The following ROCK1 variants were observed in gnomAD, a reference collection of about 807,000 sequenced individuals.
The protein encoded by ROCK1 is rho-associated protein kinase 1.
Under a neutral mutation model 196.8 loss-of-function variants are expected in ROCK1, and 36 were observed. The observed-to-expected ratio is 0.18, with a 90% CI of 0.14 to 0.24. The LOEUF is 0.24. Ranked by LOEUF, ROCK1 falls within the 10% of genes least tolerant of loss-of-function variation. The pLI is 1.00. For synonymous variants in ROCK1, 443 were observed against 515.9 expected (o/e 0.86, Z 1.91); for missense variants, 920 against 1,562.0 (o/e 0.59, Z 6.93).
At chr18:21,061,268 C>T (rs74780196) in intron 2 of ROCK1, among the ~76,000 whole-genome samples, 1,555 of 151,918 alleles carry the variant, frequency 0.01, 31 homozygotes, top group African/African-American at 0.035. Flanking sequence ...TTAATACAGA[C>T]GGGGTTTTGT....
intron 1 of ROCK1, among the ~76,000 whole-genome samples, chr18:21,109,697 A>T (rs2036733162): frequency 6.6e-6 from 1 of 152,230 alleles, no homozygotes; most frequent in African/African-American, 2.4e-5. Flanking sequence ...AAACCCATAC[A>T]CGTGGAAAAA....
Position 21,006,859 on chromosome 18 carries a change from T to TA in ROCK1, c.1547-70dup, listed in dbSNP as rs1381564542. The TA allele has an allele frequency of 7.0e-6, 8 of 1,138,064 alleles. No homozygotes were observed. The Admixed American group carries it at 1.5e-4, about 22-fold the overall frequency. 70.5% of individuals were successfully genotyped at this position (1,138,064 alleles called of 1,614,324 possible). On this transcript the variant is annotated intron_variant, in intron 14 of 32. Transcript: ENST00000399799. ...TAGGGGAAACATATAAATCCTTTTT[T>TA]AAAAAAAGACATTTAGTCTTAGGCC...
intron 27 of ROCK1, 49 bp downstream of exon 27, chr18:20,966,868 A>C (rs777516233): frequency 2.1e-6 from 3 of 1,403,268 alleles, no homozygotes; most frequent in Admixed American, 4.1e-5. Context: ...AATATACACT[A>C]ATTTCCATGA....
chr18:20,997,625 T>C (rs1353395948), intron 16 of ROCK1, among the ~76,000 whole-genome samples: 1 of 152,188 alleles, frequency 6.6e-6, no homozygotes, highest in African/African-American at 2.4e-5. Flanking sequence ...ATCTGCACTA[T>C]AGACCAAATG....
chr18:20,965,422 TAC>T, intron 27 of ROCK1, among the ~76,000 whole-genome samples: 1 of 151,718 alleles, frequency 6.6e-6, no homozygotes, highest in Admixed American at 6.6e-5. Context: ...CATACATACA[TAC>T]ATACATACAT....
chr18:21,048,311 T>C (rs1486570102), intron 4 of ROCK1, among the ~76,000 whole-genome samples: 2 of 152,198 alleles, frequency 1.3e-5, no homozygotes, highest in African/African-American at 2.4e-5. Context: ...CTTGGTTTCC[T>C]CTCACTTTCC....
At chr18:20,987,187 A>T in intron 18 of ROCK1, 77 bp from the exon 19 acceptor site, 1 of 1,338,384 alleles carries the variant, frequency 7.5e-7, no homozygotes, top group Middle Eastern at 1.8e-4. Context: ...TGGGCTGTAA[A>T]CTGGTTTCAA....
chr18:20,972,021 G>A (rs944006595), intron 22 of ROCK1, among the ~76,000 whole-genome samples: 5 of 152,112 alleles, frequency 3.3e-5, no homozygotes, highest in Admixed American at 2.0e-4. Flanking sequence ...GATCATTCTG[G>A]CTGCTGTATT....
intron 1 of ROCK1, among the ~76,000 whole-genome samples, chr18:21,099,136 C>A (rs563016485): frequency 3.3e-5 from 5 of 152,248 alleles, no homozygotes; most frequent in Non-Finnish European, 5.9e-5. Flanking sequence ...AATGTCCATC[C>A]ATAGGAGACT....
At chr18:21,070,063 C>A (rs998124395) in intron 2 of ROCK1, among the ~76,000 whole-genome samples, 1 of 151,594 alleles carries the variant, frequency 6.6e-6, no homozygotes, top group Non-Finnish European at 1.5e-5. Flanking sequence ...AGTTCAGAAA[C>A]AGAAATAAAT....
intron 16 of ROCK1, 21 bp from the exon 17 acceptor site, chr18:20,992,958 T>C: frequency 6.7e-7 from 1 of 1,488,140 alleles, no homozygotes; most frequent in Non-Finnish European, 9.4e-7. Context: ...AGAAAAAAGT[T>C]CAAGTCTGTA....
rs573457236 is a variant in ROCK1, at chr18:20,988,187, T to C, written c.2144-1077A>G. The stretch of plus-strand genomic sequence containing the variant: ...TTCTAAGAATACTCCTGCCTCAGTC[T>C]CCTGAGTAGCTGAGATTACAGGTAC... On this transcript the variant is annotated intron_variant, in intron 18 of 32. Transcript: ENST00000399799. Among the ~76,000 whole-genome samples the C allele has an allele frequency of 1.5e-3, 222 of 152,202 alleles. 1 individual carries two copies. The highest frequency in any genetic ancestry group is 2.3e-3 in the Non-Finnish European group (155 of 67,996).
At chr18:20,961,818 CTT>C (rs11334095) in intron 27 of ROCK1, among the ~76,000 whole-genome samples, 410 of 117,192 alleles carry the variant, frequency 3.5e-3, no homozygotes, top group African/African-American at 0.013. Flanking sequence ...TTTCTTTTTC[CTT>C]TTTTTTTTTT....
intron 22 of ROCK1, among the ~76,000 whole-genome samples, chr18:20,975,706 G>A (rs973678135): frequency 3.3e-5 from 5 of 152,142 alleles, no homozygotes; most frequent in Admixed American, 3.3e-4. Flanking sequence ...CGCCTCCCAG[G>A]TTCACGCCAT....
At position 20,984,201 on chromosome 18, in the gene ROCK1, T is replaced by C. The variant is rs150398989; in HGVS notation, c.2489+150A>G. The C allele has an allele frequency of 7.4e-4, 442 of 598,720 alleles. 3 individuals are homozygous for C. The African/African-American group carries it at 7.7e-3, about 10-fold the overall frequency. The allele number at this position is 598,720 out of a possible 1,614,324, so 37.1% of individuals were successfully genotyped here. A position where few individuals can be genotyped will look rare whatever the true frequency, so the allele number is the denominator to read the frequency against. The stretch of plus-strand genomic sequence containing the variant: ...AAAGCCTGAACTCCCCTGAAAACCT[T>C]TGCAAGTAAATTCTTTTACTTCTAA... On this transcript the variant is annotated intron_variant, in intron 20 of 32. Transcript: ENST00000399799.
intron 22 of ROCK1, among the ~76,000 whole-genome samples, chr18:20,975,389 T>C (rs534590096): frequency 4.5e-4 from 69 of 152,296 alleles, no homozygotes; most frequent in African/African-American, 1.7e-3. Flanking sequence ...AATTGGTTTG[T>C]TGAATAGAAA....
intron 6 of ROCK1, among the ~76,000 whole-genome samples, chr18:21,043,705 T>C (rs1361564207): frequency 6.6e-6 from 1 of 151,734 alleles, no homozygotes; most frequent in Non-Finnish European, 1.5e-5. Context: ...ATCTTTTATA[T>C]GTTAACTGAA....
Position 20,978,158 on chromosome 18 carries a change from TAA to T in ROCK1, c.2654+1750_2654+1751del, listed in dbSNP as rs1568373252. ...CAACAAAGTTAAACAACAAAAAGTC[TAA>T]GTTTATTTATAAAACTAGTGAAAAT... On this transcript the variant is annotated intron_variant, in intron 22 of 32. Transcript: ENST00000399799. Among the ~76,000 whole-genome samples, 8 of 150,670 alleles carry T rather than the reference TAA, an allele frequency of 5.3e-5. No homozygotes were observed. In the South Asian group the frequency reaches 1.7e-3, roughly 32 times the overall value.
intron 10 of ROCK1, among the ~76,000 whole-genome samples, chr18:21,024,078 T>C (rs1230860467): frequency 1.3e-5 from 2 of 152,204 alleles, no homozygotes; most frequent in Non-Finnish European, 2.9e-5. Flanking sequence ...GCTTTTTGTA[T>C]ATAAGAATTG....
Sources: allele counts gnomAD v4.1 joint callset (sites outside exome capture counted in the v4.1 genomes callset), GRCh38; gene constraint gnomAD v4.1.1; transcripts MANE v1.5; gene names NCBI Gene and HGNC (gene_info 2026-07-23, HGNC 2026-07-21).